Variants in BSDC1 observed in about 807,000 individuals in gnomAD.
BSDC1 encodes BSD domain-containing protein 1.
BSDC1 carries 29 observed loss-of-function variants against 56.0 expected under a neutral mutation model. That is an observed-to-expected ratio of 0.52 (90% confidence interval 0.39 to 0.71). The LOEUF is 0.71. Ranked by LOEUF, BSDC1 falls within the 30% of genes least tolerant of loss-of-function variation. The pLI is 0.00. For missense variants in BSDC1, 477 were observed against 548.5 expected (o/e 0.87, Z 1.30); for synonymous variants, 210 against 215.3 (o/e 0.98, Z 0.21).
chr1:32,373,302 T>C (rs918739378), intron 9 of BSDC1, among the ~76,000 whole-genome samples: 5 of 152,200 alleles, frequency 3.3e-5, no homozygotes, highest in African/African-American at 1.2e-4. Flanking sequence ...AGAGGCAGCA[T>C]AGCAGAGTAG....
At chr1:32,380,559 T>C (rs756409051) in intron 5 of BSDC1, among the ~76,000 whole-genome samples, 20 of 152,194 alleles carry the variant, frequency 1.3e-4, no homozygotes, top group African/African-American at 4.1e-4. Context: ...GGAAAGAGAA[T>C]TGCTAGAACC....
chr1:32,387,797 A>T (rs986039214), intron 2 of BSDC1, among the ~76,000 whole-genome samples: 1 of 152,208 alleles, frequency 6.6e-6, no homozygotes, highest in African/African-American at 2.4e-5. Flanking sequence ...TAGCTTGGAA[A>T]GCTATTTTAT....
At chr1:32,394,259 C>T (rs1379954313) in intron 1 of BSDC1, 119 bp from the exon 2 acceptor site, 12 of 1,548,376 alleles carry the variant, frequency 7.8e-6, no homozygotes, top group Middle Eastern at 1.7e-4. Context: ...CGCTTGCCCA[C>T]CCCCTCACAA....
rs757449292 is a variant in BSDC1, at chr1:32,376,428, G to A, written c.990C>T (p.Pro330=). 15 of 1,613,608 alleles carry A rather than the reference G, an allele frequency of 9.3e-6. No individual in the cohort carries two copies. Among genetic ancestry groups the A allele is most frequent in the East Asian group, 4.5e-5 (2 of 44,872 alleles). The part of the protein sequence containing the change: ...AVDVGETGPS[P]PIHSKPLTPA... ...GCGTTAGGGGCTTGGAGTGAATAGG[G>A]GGTGAGGGTCCAGTCTCACCCACAT... Residue 330 remains proline (P), a synonymous_variant, in exon 9 of 11, where the codon CCC becomes CCT. Transcript: ENST00000455895.
intron 2 of BSDC1, among the ~76,000 whole-genome samples, chr1:32,393,432 A>G (rs1363140104): frequency 1.3e-5 from 2 of 152,128 alleles, no homozygotes; most frequent in African/African-American, 4.8e-5. Context: ...CTTGCTTTTC[A>G]TCCTGTCTAG....
intron 5 of BSDC1, 67 bp downstream of exon 5, chr1:32,381,147 G>A (rs1471945905): frequency 1.3e-6 from 2 of 1,536,144 alleles, no homozygotes; most frequent in African/African-American, 2.7e-5. Flanking sequence ...AGACAAACAG[G>A]GTCTACAACC....
At position 32,379,071 on chromosome 1, in the gene BSDC1, A is replaced by G. The variant is rs572484137; in HGVS notation, c.413-232T>C. ...CATATCCCTGCTGGCTTTTTAGCCC[A>G]TGGCACCTGGCTGCTGAATCTCCTC... is the stretch of plus-strand genomic sequence containing the variant. On this transcript the variant is annotated intron_variant, in intron 5 of 10. Coordinates refer to ENST00000455895, the MANE Select transcript of BSDC1 (RefSeq NM_018045.8). Among the ~76,000 whole-genome samples the G allele has an allele frequency of 1.7e-3, 259 of 152,232 alleles. 3 individuals are homozygous for G. In the South Asian group the frequency reaches 0.027, roughly 16 times the overall value.
rs757688418 is a variant in BSDC1 at position 32,366,580 on chromosome 1, C to T, written c.*42G>A. The T allele has an allele frequency of 1.1e-5, 17 of 1,495,080 alleles. No individual in the cohort carries two copies. Among genetic ancestry groups the T allele is most frequent in the Admixed American group, 1.0e-4 (5 of 49,924 alleles). 92.6% of individuals were successfully genotyped at this position (1,495,080 alleles called of 1,614,324 possible). On this transcript the variant is annotated 3_prime_UTR_variant, in exon 11 of 11. Transcript: ENST00000455895. ...GCTGGGCTGAGACGAGCGAGGGAGG[C>T]GAGAGATGCCATGGGTGGGGGAGCT...
At position 32,366,440 on chromosome 1, in the gene BSDC1, G is replaced by A. The variant is rs1641852622; in HGVS notation, c.*182C>T. ...AGAGTTTCTGGCCGGGATTTAGAGA[G>A]CCCCTTCCCAGGTGTGAGCAGAGGC... On this transcript the variant is annotated 3_prime_UTR_variant, in exon 11 of 11. Coordinates refer to ENST00000455895, the MANE Select transcript of BSDC1 (RefSeq NM_018045.8). 1.4e-6 allele frequency: 1 copy of A among 721,842 alleles called. No individual in the cohort carries two copies. Among genetic ancestry groups the A allele is most frequent in the East Asian group, 2.7e-5 (1 of 37,250 alleles). The allele number at this position is 721,842 out of a possible 1,614,324, so 44.7% of individuals were successfully genotyped here. A position where few individuals can be genotyped will look rare whatever the true frequency, so the allele number is the denominator to read the frequency against.
At chr1:32,391,657 G>A (rs1001458146) in intron 2 of BSDC1, among the ~76,000 whole-genome samples, 1 of 152,222 alleles carries the variant, frequency 6.6e-6, no homozygotes, top group African/African-American at 2.4e-5. Flanking sequence ...CAGGAAGACA[G>A]GACAGGAGGA....
chr1:32,378,920 G>T lies in BSDC1; in HGVS notation c.413-81C>A. 1.0e-6 allele frequency: 1 copy of T among 970,986 alleles called. No individual in the cohort carries two copies. Among genetic ancestry groups the T allele is most frequent in the Non-Finnish European group, 1.4e-6 (1 of 703,394 alleles). The allele number at this position is 970,986 out of a possible 1,614,324, so 60.1% of individuals were successfully genotyped here. On this transcript the variant is annotated intron_variant, in intron 5 of 10. Transcript: ENST00000455895. This position sits in a 1 kb window ranked among gnomAD's most constrained non-coding sequence, Gnocchi z 5.2. ...GGCTTACAGAACATATCTAAGGCTG[G>T]ACATGGAAAATGAAGAAAGCTTGTG...
intron 3 of BSDC1, among the ~76,000 whole-genome samples, chr1:32,385,369 C>T (rs975887901): frequency 2.6e-5 from 4 of 152,262 alleles, no homozygotes; most frequent in Admixed American, 1.3e-4. Flanking sequence ...GCCCAAACCT[C>T]AGCATATACA....
intron 4 of BSDC1, 49 bp downstream of exon 4, chr1:32,383,781 C>T: frequency 6.3e-7 from 1 of 1,580,030 alleles, no homozygotes; most frequent in Non-Finnish European, 8.7e-7. Flanking sequence ...GAAGTTAAAG[C>T]CCAGGTTACA....
intron 3 of BSDC1, among the ~76,000 whole-genome samples, chr1:32,385,458 G>T (rs1420606531): frequency 1.3e-5 from 2 of 152,200 alleles, no homozygotes; most frequent in African/African-American, 4.8e-5. Context: ...CAGGCACGGT[G>T]GCTCATGCCT....
chr1:32,376,336 G>A lies in BSDC1; in HGVS notation c.1082C>T (p.Ala361Val), dbSNP rs1407537332. The A allele has an allele frequency of 1.0e-5, 16 of 1,605,982 alleles. No homozygotes were observed. Among genetic ancestry groups the A allele is most frequent in the South Asian group, 2.2e-5 (2 of 90,598 alleles). ...PARVETLREEAPTDLRVFELN... is the reference protein window; with the variant it reads ...PARVETLREEVPTDLRVFELN... Reference sequence around the variant, plus strand: ...CTCAAACACCCGTAAGTCTGTGGGCGCCTCCTCCCTCAGAGTCTCTACTCT... The same window carrying A: ...CTCAAACACCCGTAAGTCTGTGGGCACCTCCTCCCTCAGAGTCTCTACTCT... Residue 361 changes from alanine to valine, a missense_variant, in exon 9 of 11, where the codon GCG (alanine) becomes GTG (valine). Physicochemically the swap from Ala to Val is moderately conservative, Grantham distance 64. Transcript: ENST00000455895.
chr1:32,391,232 C>A (rs562576680), intron 2 of BSDC1, among the ~76,000 whole-genome samples: 46 of 152,196 alleles, frequency 3.0e-4, no homozygotes, highest in African/African-American at 1.1e-3. Context: ...CTGAAAACCA[C>A]CCACTGGATT....
Position 32,394,423 on chromosome 1 carries a change from C to CT in BSDC1, c.-10_-9insA. The stretch of plus-strand genomic sequence containing the variant: ...GCTCACCCTTCCGCCATCTTGCCTG[C>CT]ATGACATCACCACTATTTACTGACC... On this transcript the variant is annotated 5_prime_UTR_variant, in exon 1 of 11. An upstream start codon of the reference 5' UTR is lost. Transcript: ENST00000455895. 1 of 1,614,206 alleles carries CT rather than the reference C, an allele frequency of 6.2e-7. No individual in the cohort carries two copies.
chr1:32,386,825 G>A lies in BSDC1; in HGVS notation c.143C>T (p.Ala48Val). The change falls in exon 3 of 11, where the codon GCC (alanine) becomes GTC (valine). Residue 48 changes from alanine to valine, a missense_variant. Transcript: ENST00000455895. ...GCTGGCCGTGGCTGCGATGGTACAG[G>A]CCGTGTCATGCTGCACCACCTGGGT... is the stretch of plus-strand genomic sequence containing the variant. ...EFTQVVQHDT[A>V]CTIAATASVV... 1 of 1,612,554 alleles carries A rather than the reference G, an allele frequency of 6.2e-7. No homozygotes were observed. Among genetic ancestry groups the A allele is most frequent in the Non-Finnish European group, 8.5e-7 (1 of 1,180,022 alleles).
intron 3 of BSDC1, 38 bp downstream of exon 3, chr1:32,386,741 G>A (rs777086909): frequency 2.1e-5 from 32 of 1,535,510 alleles, no homozygotes; most frequent in South Asian, 4.5e-5. Context: ...GACAGGTTGC[G>A]AGGGGCAGTT....
Sources: gnomAD v4.1 joint callset for allele counts (sites outside exome capture counted in the v4.1 genomes callset) on GRCh38, gnomAD v4.1.1 for gene constraint, Gnocchi (gnomAD v3.1) non-coding constraint, MANE v1.5 for transcripts, NCBI Gene and HGNC (gene_info 2026-07-23, HGNC 2026-07-21) for gene names.